Variants in LINGO2 observed in about 807,000 individuals in gnomAD.
The protein encoded by LINGO2 is leucine-rich repeat and immunoglobulin-like domain-containing nogo receptor-interacting protein 2.
Under a neutral mutation model 30.6 loss-of-function variants are expected in LINGO2, and 14 were observed. The ratio of observed to expected loss-of-function variants is 0.46; its 90% CI spans 0.30 to 0.72. The LOEUF is 0.72. Among genes scored for constraint, LINGO2 ranks in the 30% least tolerant of loss-of-function variants. LINGO2 has a pLI of 0.07. For missense variants in LINGO2, 729 were observed against 751.7 expected (o/e 0.97, Z 0.35); for synonymous variants, 317 against 288.5 (o/e 1.10, Z -1.00).
At chr9:29,195,453 T>C in the LINGO2 span, among the ~76,000 whole-genome samples, 5 of 152,104 alleles carry the variant, frequency 3.3e-5, no homozygotes, top group African/African-American at 1.2e-4. Context: ...CTTAATTTTA[T>C]ATGAAACTTC....
At chr9:27,945,525 C>G (rs550435060), downstream of LINGO2, among the ~76,000 whole-genome samples, 3 of 152,096 alleles carry the variant, frequency 2.0e-5, no homozygotes, top group South Asian at 6.2e-4. Context: ...GAATGAAAAC[C>G]AACTGGAGTG....
the LINGO2 span, among the ~76,000 whole-genome samples, chr9:28,718,125 C>T: frequency 6.6e-6 from 1 of 151,204 alleles, no homozygotes; most frequent in African/African-American, 2.4e-5. Context: ...TTAAGAAAAG[C>T]TTCATGGGGG....
rs989232995 is a variant in LINGO2 at position 28,414,319 on chromosome 9, C to G, written c.-278-41451G>C. Among the ~76,000 whole-genome samples the G allele has an allele frequency of 3.9e-5, 6 of 152,140 alleles. No homozygotes were observed. The Middle Eastern group carries it at 0.017, about 431-fold the overall frequency. Reference sequence around the variant, plus strand: ...CTTGAAGCAGGTAGAAATCCATACACAAGGCTATTGATGAGCTGAGAAAGT... The same window carrying G: ...CTTGAAGCAGGTAGAAATCCATACAGAAGGCTATTGATGAGCTGAGAAAGT... On this transcript the variant is annotated intron_variant, in intron 2 of 5. Transcript: ENST00000379992.
intron 4 of LINGO2, among the ~76,000 whole-genome samples, chr9:28,252,253 C>T (rs1298375557): frequency 6.6e-6 from 1 of 151,898 alleles, no homozygotes; most frequent in Non-Finnish European, 1.5e-5. Context: ...TTGAGATGGA[C>T]TCTCACTCTG....
intron 2 of LINGO2, among the ~76,000 whole-genome samples, chr9:28,393,654 G>C (rs536676496): frequency 6.6e-6 from 1 of 152,294 alleles, no homozygotes; most frequent in African/African-American, 2.4e-5. Context: ...TGGAATGCAA[G>C]GCAAGATCAA....
chr9:28,959,211 G>GC, the LINGO2 span, among the ~76,000 whole-genome samples: 1 of 151,510 alleles, frequency 6.6e-6, no homozygotes, highest in Non-Finnish European at 1.5e-5. Flanking sequence ...TGAGACTGAG[G>GC]GTAGAGATGA....
intron 3 of LINGO2, among the ~76,000 whole-genome samples, chr9:28,306,531 G>A (rs1223575114): frequency 1.3e-5 from 2 of 151,888 alleles, no homozygotes; most frequent in Non-Finnish European, 1.5e-5. Context: ...AGAAAAGCAA[G>A]AGCAAACACA....
intron 4 of LINGO2, among the ~76,000 whole-genome samples, chr9:28,205,025 T>C (rs1169659660): frequency 6.6e-6 from 1 of 152,132 alleles, no homozygotes; most frequent in Non-Finnish European, 1.5e-5. Flanking sequence ...TCTTCATATG[T>C]GACTATTCTT....
the LINGO2 span, among the ~76,000 whole-genome samples, chr9:29,006,230 A>G: frequency 6.6e-6 from 1 of 151,996 alleles, no homozygotes; most frequent in African/African-American, 2.4e-5. Flanking sequence ...TCTATTATTT[A>G]GTATTCAAAC....
At chr9:27,949,152 C>T (rs17506843) in exon 6 of LINGO2, 195 of 1,613,894 alleles carry the variant, frequency 1.2e-4, no homozygotes, top group East Asian at 1.6e-4. Context: ...ATAAAGAAAA[C>T]GATCTGAAGC....
chr9:28,085,315 C>A (rs1825877849), intron 4 of LINGO2, among the ~76,000 whole-genome samples: 1 of 152,030 alleles, frequency 6.6e-6, no homozygotes, highest in African/African-American at 2.4e-5. Context: ...AGAAGAGGGG[C>A]CCTTCCACCT....
chr9:28,818,539 C>T, the LINGO2 span, among the ~76,000 whole-genome samples: 1 of 152,090 alleles, frequency 6.6e-6, no homozygotes, highest in East Asian at 1.9e-4. Context: ...ATGCCCGCAA[C>T]CACATTCAGC....
chr9:28,069,564 T>C (rs7858580), intron 4 of LINGO2, among the ~76,000 whole-genome samples: 136,010 of 152,222 alleles, frequency 0.89, 61,079 homozygotes, highest in East Asian at 1. Context: ...CAACCCATGG[T>C]GCAGGTTTTG....
At chr9:29,102,350 G>A in the LINGO2 span, among the ~76,000 whole-genome samples, 1 of 152,012 alleles carries the variant, frequency 6.6e-6, no homozygotes, top group South Asian at 2.1e-4. Context: ...CAAAGAGCTG[G>A]GATTACAGGC....
intron 4 of LINGO2, among the ~76,000 whole-genome samples, chr9:28,107,797 A>G (rs1826641305): frequency 6.6e-6 from 1 of 152,068 alleles, no homozygotes. Context: ...GAGTCTGTGC[A>G]TTTTTTGAGA....
chr9:28,681,699 T>C, the LINGO2 span, among the ~76,000 whole-genome samples: 1,422 of 152,190 alleles, frequency 9.3e-3, 32 homozygotes, highest in East Asian at 0.081. Context: ...ATGTACCATA[T>C]TATATTCAGA....
intron 4 of LINGO2, among the ~76,000 whole-genome samples, chr9:28,077,917 A>C (rs1383989514): frequency 6.7e-6 from 1 of 149,056 alleles, no homozygotes; most frequent in Non-Finnish European, 1.5e-5. Context: ...GCTTCTTTGA[A>C]GGAAAAGAGC....
chr9:28,430,469 G>T (rs546310467), intron 2 of LINGO2, among the ~76,000 whole-genome samples: 2 of 152,204 alleles, frequency 1.3e-5, no homozygotes, highest in African/African-American at 4.8e-5. Flanking sequence ...CTTTGTTCAC[G>T]TAACTCTTTT....
intron 1 of LINGO2, among the ~76,000 whole-genome samples, chr9:28,632,783 AT>A (rs1258722268): frequency 3.6e-5 from 4 of 110,626 alleles, no homozygotes; most frequent in Admixed American, 1.1e-4. Flanking sequence ...TTATATATCG[AT>A]TTATATTATA....
Sources: allele counts gnomAD v4.1 joint callset (sites outside exome capture counted in the v4.1 genomes callset), GRCh38; gene constraint gnomAD v4.1.1; transcripts MANE v1.5; gene names NCBI Gene and HGNC (gene_info 2026-07-23, HGNC 2026-07-21).